Variants in PAN3 observed in about 807,000 individuals in gnomAD.
The protein encoded by PAN3 is PAN2-PAN3 deadenylation complex subunit PAN3.
PAN3 carries 19 observed loss-of-function variants against 96.2 expected under a neutral mutation model. The observed-to-expected ratio is 0.20, with a 90% CI of 0.14 to 0.29. The LOEUF is 0.29. PAN3 is among the 10% of genes least tolerant of loss of function. PAN3 has a pLI of 1.00. For missense variants in PAN3, 882 were observed against 1,108.1 expected, an observed-to-expected ratio of 0.80 and a Z score of 2.90; for synonymous variants, 433 against 406.6, an observed-to-expected ratio of 1.06 and a Z score of -0.78.
intron 6 of PAN3, among the ~76,000 whole-genome samples, chr13:28,254,508 A>G (rs1646814871): frequency 6.6e-6 from 1 of 152,298 alleles, no homozygotes; most frequent in South Asian, 2.1e-4. Flanking sequence ...GACTAGCTTT[A>G]GGAAAATCTG....
intron 2 of PAN3, among the ~76,000 whole-genome samples, chr13:28,176,050 G>A (rs1874933169): frequency 6.6e-6 from 1 of 152,194 alleles, no homozygotes. Flanking sequence ...CATAGAACGT[G>A]TTTAGAGAAC....
intron 6 of PAN3, among the ~76,000 whole-genome samples, chr13:28,221,689 C>G (rs1881431749): frequency 1.3e-5 from 2 of 152,170 alleles, no homozygotes; most frequent in Admixed American, 6.5e-5. Flanking sequence ...CCTCCCACCA[C>G]TTGTTCCCTT....
At chr13:28,154,889 C>T (rs1278882182) in intron 1 of PAN3, among the ~76,000 whole-genome samples, 4 of 148,854 alleles carry the variant, frequency 2.7e-5, no homozygotes, top group Non-Finnish European at 4.5e-5. Context: ...GGCGCGATCT[C>T]GGCTCACTGC....
chr13:28,214,270 A>G (rs567325681), intron 5 of PAN3, among the ~76,000 whole-genome samples: 1 of 152,374 alleles, frequency 6.6e-6, no homozygotes, highest in East Asian at 1.9e-4. Flanking sequence ...CTTGTGTACA[A>G]ATCTTCACAG....
chr13:28,275,059 A>G (rs1886948124), intron 14 of PAN3, among the ~76,000 whole-genome samples: 1 of 152,206 alleles, frequency 6.6e-6, no homozygotes, highest in African/African-American at 2.4e-5. Flanking sequence ...CCTGAATTCA[A>G]CAAATGGGGG....
chr13:28,197,804 A>G (rs1417619104), intron 5 of PAN3, among the ~76,000 whole-genome samples: 5 of 152,016 alleles, frequency 3.3e-5, no homozygotes, highest in African/African-American at 1.2e-4. Flanking sequence ...CTCCTACCTC[A>G]GGTGATCTCT....
rs748326023 is a variant in PAN3 at position 28,256,548 on chromosome 13, A to G, written c.1248+9A>G. On this transcript the variant is annotated intron_variant, in intron 7 of 18. Coordinates refer to ENST00000380958, the MANE Select transcript of PAN3 (RefSeq NM_175854.8). The stretch of plus-strand genomic sequence containing the variant: ...CACCTTTGACTGGAATGGTATGTCT[A>G]CATTAAAGAGGAAATTTTAGTACTC... The G allele has an allele frequency of 5.6e-6, 9 of 1,603,342 alleles. No individual in the cohort carries two copies. Among genetic ancestry groups the G allele is most frequent in the Middle Eastern group, 3.3e-4 (2 of 5,986 alleles).
chr13:28,292,627 A>G lies in PAN3; in HGVS notation c.*105A>G. 4 of 1,187,218 alleles carry G rather than the reference A, an allele frequency of 3.4e-6. No homozygotes were observed. In the South Asian group the frequency reaches 5.8e-5, roughly 17 times the overall value. The allele number at this position is 1,187,218 out of a possible 1,614,324, so 73.5% of individuals were successfully genotyped here. A position where few individuals can be genotyped will look rare whatever the true frequency, so the allele number is the denominator to read the frequency against. The stretch of plus-strand genomic sequence containing the variant: ...TCTCATTCACATTTGGGAAACGAAC[A>G]GGAGATGAGCAAAGCTGCTTGCACT... On this transcript the variant is annotated 3_prime_UTR_variant, in exon 19 of 19. Transcript: ENST00000380958.
chr13:28,168,336 A>G (rs1873852634), intron 1 of PAN3, among the ~76,000 whole-genome samples: 1 of 152,216 alleles, frequency 6.6e-6, no homozygotes, highest in African/African-American at 2.4e-5. Context: ...TGGCACTCAA[A>G]AAGTTTCAGA....
At chr13:28,202,592 G>T (rs541682258) in intron 5 of PAN3, among the ~76,000 whole-genome samples, 2 of 152,006 alleles carry the variant, frequency 1.3e-5, no homozygotes, top group East Asian at 3.9e-4. Context: ...TTAAGAGATG[G>T]CTCAAATACT....
chr13:28,226,331 T>C (rs1881999602), intron 6 of PAN3, among the ~76,000 whole-genome samples: 1 of 152,214 alleles, frequency 6.6e-6, no homozygotes, highest in Admixed American at 6.5e-5. Flanking sequence ...AGTCTACTGT[T>C]AAATGGATTC....
At chr13:28,180,633 T>C (rs1274761248) in intron 4 of PAN3, among the ~76,000 whole-genome samples, 2 of 152,228 alleles carry the variant, frequency 1.3e-5, no homozygotes, top group Non-Finnish European at 2.9e-5. Flanking sequence ...TATTTTGTTT[T>C]ACAGTGATAT....
chr13:28,291,559 G>T (rs1869747152), intron 18 of PAN3, among the ~76,000 whole-genome samples: 1 of 152,228 alleles, frequency 6.6e-6, no homozygotes, highest in Non-Finnish European at 1.5e-5. Flanking sequence ...GCTGGGCACG[G>T]TGGCTCACAC....
intron 12 of PAN3, 63 bp downstream of exon 12, chr13:28,267,464 T>C: frequency 7.5e-7 from 1 of 1,328,196 alleles, no homozygotes; most frequent in Non-Finnish European, 1.1e-6. Context: ...GAAGAGTAGT[T>C]TTCTATTTTA....
chr13:28,206,105 A>G lies in PAN3; in HGVS notation c.852+8759A>G, dbSNP rs369899833. Among the ~76,000 whole-genome samples the G allele has an allele frequency of 5.3e-5, 8 of 152,092 alleles. No homozygotes were observed. In the East Asian group the frequency reaches 1.6e-3, roughly 30 times the overall value. The stretch of plus-strand genomic sequence containing the variant: ...ATTCCATGTTTAAATCTTTTCTGAT[A>G]CTTTATGAACCCCACAACAAAGCAT... On this transcript the variant is annotated intron_variant, in intron 5 of 18. Transcript: ENST00000380958.
At chr13:28,164,031 T>G (rs1377168544) in intron 1 of PAN3, among the ~76,000 whole-genome samples, 2 of 152,124 alleles carry the variant, frequency 1.3e-5, no homozygotes, top group African/African-American at 4.8e-5. Context: ...AGGCAGAGAT[T>G]GCAGTGAGTT....
At chr13:28,224,327 G>GA (rs985678763) in intron 6 of PAN3, among the ~76,000 whole-genome samples, 1 of 152,142 alleles carries the variant, frequency 6.6e-6, no homozygotes, top group Non-Finnish European at 1.5e-5. Context: ...CAGTGTGTTT[G>GA]AAAGTGACTG....
intron 1 of PAN3, among the ~76,000 whole-genome samples, chr13:28,146,228 A>T (rs570922278): frequency 1.9e-4 from 29 of 151,980 alleles, no homozygotes; most frequent in South Asian, 1.0e-3. Flanking sequence ...GTATAGACAT[A>T]TATCTAGTAT....
chr13:28,290,617 G>C (rs1200279269), intron 18 of PAN3, among the ~76,000 whole-genome samples: 3 of 152,138 alleles, frequency 2.0e-5, no homozygotes, highest in African/African-American at 7.2e-5. Flanking sequence ...AGGAGGCAGA[G>C]GTTGCAGTGA....
Sources: allele counts gnomAD v4.1 joint callset (sites outside exome capture counted in the v4.1 genomes callset), GRCh38; gene constraint gnomAD v4.1.1; transcripts MANE v1.5; gene names NCBI Gene and HGNC (gene_info 2026-07-23, HGNC 2026-07-21).